BOLA3: variants seen among roughly 807,000 people sequenced by gnomAD.
The protein encoded by BOLA3 is bolA-like protein 3.
A neutral mutation model predicts 14.5 loss-of-function variants in BOLA3; 8 were observed. The observed-to-expected ratio is 0.55, with a 90% CI of 0.32 to 0.99. The LOEUF (loss-of-function observed/expected upper bound fraction) is 0.99. Ranked by LOEUF, BOLA3 falls within the 50% of genes least tolerant of loss-of-function variation. The pLI is 0.04. For missense variants in BOLA3, 115 were observed against 138.2 expected (o/e 0.83, Z 0.84); for synonymous variants, 42 against 45.7 (o/e 0.92, Z 0.33).
At chr2:74,139,019 G>A (rs376692926) in intron 3 of BOLA3, among the ~76,000 whole-genome samples, 2 of 152,240 alleles carry the variant, frequency 1.3e-5, no homozygotes, top group African/African-American at 4.8e-5. Context: ...CTCCTAGGGC[G>A]TGGCCCACAG....
intron 3 of BOLA3, among the ~76,000 whole-genome samples, chr2:74,135,948 C>CTTTTTTTTT (rs55654893): frequency 7.4e-6 from 1 of 134,710 alleles, no homozygotes; most frequent in Non-Finnish European, 1.6e-5. Flanking sequence ...TCTTGTGTAT[C>CTTTTTTTTT]TTTTTTTTTT....
chr2:74,140,284 A>G (rs828874), intron 3 of BOLA3, among the ~76,000 whole-genome samples: 92,773 of 151,954 alleles, frequency 0.61, 29,343 homozygotes, highest in African/African-American at 0.78. Context: ...ACTCTGTGGG[A>G]GGGAAAAAAA....
Position 74,135,675 on chromosome 2 carries a change from C to A in BOLA3, c.259-17G>T, listed in dbSNP as rs759490061. 5 of 1,558,296 alleles carry A rather than the reference C, an allele frequency of 3.2e-6. No homozygotes were observed. The African/African-American group carries it at 6.8e-5, about 21-fold the overall frequency. On this transcript the variant is annotated splice_polypyrimidine_tract_variant and intron_variant, in intron 3 of 3. Coordinates refer to ENST00000327428, the MANE Select transcript of BOLA3 (RefSeq NM_212552.3). ...TTTTAGTGCCTAAGTAAGAAAACAGCATCATCAGTTTTTGTGTATTTGACG... is the reference window on the plus strand; with the variant it reads ...TTTTAGTGCCTAAGTAAGAAAACAGAATCATCAGTTTTTGTGTATTTGACG...
chr2:74,143,926 G>A lies in BOLA3; in HGVS notation c.169+1263C>T, dbSNP rs189626880. On this transcript the variant is annotated intron_variant, in intron 2 of 3. Transcript: ENST00000327428. ...TTGGCCAGGCTGGTCTCGAACTCCT[G>A]ACCTCAGGTGATCCACCTGCCTCAG... is the stretch of plus-strand genomic sequence containing the variant. Among the ~76,000 whole-genome samples the A allele has an allele frequency of 2.5e-3, 366 of 148,352 alleles. 3 individuals are homozygous for A. Among genetic ancestry groups the A allele is most frequent in the African/African-American group, 8.7e-3 (349 of 40,030 alleles).
chr2:74,147,719 G>A, intron 1 of BOLA3, 102 bp downstream of exon 1: 1 of 1,141,342 alleles, frequency 8.8e-7, no homozygotes, highest in Non-Finnish European at 1.3e-6. Flanking sequence ...TGCCGCGCGC[G>A]CCCTCCGGGA....
chr2:74,141,186 A>G (rs1692431525), intron 3 of BOLA3, among the ~76,000 whole-genome samples: 1 of 152,224 alleles, frequency 6.6e-6, no homozygotes, highest in Admixed American at 6.5e-5. Flanking sequence ...TGGAGCACCC[A>G]GCAGACCACC....
intron 3 of BOLA3, among the ~76,000 whole-genome samples, chr2:74,136,253 T>C (rs1692327232): frequency 2.0e-5 from 3 of 152,204 alleles, no homozygotes; most frequent in African/African-American, 7.2e-5. Flanking sequence ...CCTGGCCAGT[T>C]TCTTGTGTAT....
chr2:74,142,519 C>A (rs530407892), intron 2 of BOLA3, among the ~76,000 whole-genome samples, 159 bp from the exon 3 acceptor site: 34 of 152,168 alleles, frequency 2.2e-4, no homozygotes, highest in Non-Finnish European at 4.0e-4. Flanking sequence ...GGCTTCCAAT[C>A]TGACCACATG....
In BOLA3 at chr2:74,147,820, C is replaced by CCCCGCGGAT; in HGVS notation, c.46_54dup (p.Ile16_Gly18dup). 1.3e-6 allele frequency: 2 copies of CCCCGCGGAT among 1,528,868 alleles called. No homozygotes were observed. The highest frequency in any genetic ancestry group is 1.7e-6 in the Non-Finnish European group (2 of 1,144,514). The allele number at this position is 1,528,868 out of a possible 1,614,324, so 94.7% of individuals were successfully genotyped here. A position where few individuals can be genotyped will look rare whatever the true frequency, so the allele number is the denominator to read the frequency against. On this transcript the variant is annotated inframe_insertion and splice_region_variant. Coordinates refer to ENST00000327428, the MANE Select transcript of BOLA3 (RefSeq NM_212552.3). The stretch of plus-strand genomic sequence containing the variant: ...GCAGCCCCGACCCTGCCCACGCTCA[C>CCCCGCGGAT]CCCGCGGATCCCGCGGAGGAGAGGC...
intron 2 of BOLA3, among the ~76,000 whole-genome samples, chr2:74,142,577 G>A (rs1037666340): frequency 1.3e-5 from 2 of 152,076 alleles, no homozygotes; most frequent in Non-Finnish European, 2.9e-5. Context: ...TTCCTTTTGC[G>A]AGGCAGCTGC....
chr2:74,137,654 T>C (rs1039031601), intron 3 of BOLA3, among the ~76,000 whole-genome samples: 1 of 152,086 alleles, frequency 6.6e-6, no homozygotes, highest in Non-Finnish European at 1.5e-5. Context: ...AATCAGGATA[T>C]GAACCCAGGT....
chr2:74,140,233 G>A (rs1274510114), intron 3 of BOLA3, among the ~76,000 whole-genome samples: 1 of 152,098 alleles, frequency 6.6e-6, no homozygotes, highest in Non-Finnish European at 1.5e-5. Flanking sequence ...GCAGTGAGCC[G>A]AGATAGCGCC....
intron 3 of BOLA3, among the ~76,000 whole-genome samples, chr2:74,137,720 C>T (rs1049025738): frequency 3.3e-5 from 5 of 152,150 alleles, no homozygotes; most frequent in Admixed American, 6.5e-5. Context: ...TGCCCTGATC[C>T]GGGAGCTCCT....
At chr2:74,137,184 C>T (rs1320975313) in intron 3 of BOLA3, among the ~76,000 whole-genome samples, 1 of 152,226 alleles carries the variant, frequency 6.6e-6, no homozygotes, top group Non-Finnish European at 1.5e-5. Flanking sequence ...TTATGTGCCA[C>T]TGGCCCAGCC....
At chr2:74,136,484 G>A (rs1692332595) in intron 3 of BOLA3, among the ~76,000 whole-genome samples, 1 of 152,070 alleles carries the variant, frequency 6.6e-6, no homozygotes, top group Non-Finnish European at 1.5e-5. Context: ...AAGCTCATCA[G>A]CTATCATTAG....
chr2:74,140,076 G>A (rs1263885917), intron 3 of BOLA3, among the ~76,000 whole-genome samples: 2 of 152,182 alleles, frequency 1.3e-5, no homozygotes, highest in Non-Finnish European at 2.9e-5. Context: ...CTGAAGTCAG[G>A]AGTTCGAGAC....
intron 1 of BOLA3, chr2:74,145,532 T>C: frequency 3.5e-6 from 2 of 566,468 alleles, no homozygotes; most frequent in South Asian, 4.0e-5. Context: ...TGTTAATAAC[T>C]CAATTTGACT....
At chr2:74,144,266 C>G (rs900577878) in intron 2 of BOLA3, among the ~76,000 whole-genome samples, 1 of 152,184 alleles carries the variant, frequency 6.6e-6, no homozygotes, top group Non-Finnish European at 1.5e-5. Context: ...CTCAGCCTCT[C>G]AAAGTGCTGG....
In BOLA3 at chr2:74,135,549, C is replaced by A; in HGVS notation, c.*44G>T. 6.2e-7 allele frequency: 1 copy of A among 1,612,784 alleles called. No individual in the cohort carries two copies. Among genetic ancestry groups the A allele is most frequent in the South Asian group, 1.1e-5 (1 of 91,046 alleles). Reference sequence around the variant, plus strand: ...AGGGAAGAATGATGTCAGTGAAGTTCATCCAAGGTCTTAAGCAGCAGCATC... The same window carrying A: ...AGGGAAGAATGATGTCAGTGAAGTTAATCCAAGGTCTTAAGCAGCAGCATC... On this transcript the variant is annotated 3_prime_UTR_variant, in exon 4 of 4. Transcript: ENST00000327428.
Sources: allele counts gnomAD v4.1 joint callset (sites outside exome capture counted in the v4.1 genomes callset), GRCh38; gene constraint gnomAD v4.1.1; transcripts MANE v1.5; gene names NCBI Gene and HGNC (gene_info 2026-07-23, HGNC 2026-07-21).